The following GRM8 variants were observed in gnomAD, a reference collection of about 807,000 sequenced individuals.
The protein encoded by GRM8 is metabotropic glutamate receptor 8.
In GRM8, 47 loss-of-function variants were observed where a neutral mutation model predicts 87.2. That is an observed-to-expected ratio of 0.54 (90% CI 0.43 to 0.69). The LOEUF is 0.69. Among genes scored for constraint, GRM8 ranks in the 30% least tolerant of loss-of-function variants. The pLI is 0.00. For synonymous variants in GRM8, 396 were observed against 404.5 expected (o/e 0.98, Z 0.25); for missense variants, 1,019 against 1,139.2 (o/e 0.89, Z 1.52).
chr7:127,186,321 T>G (rs1171464439), intron 2 of GRM8, among the ~76,000 whole-genome samples: 1 of 152,180 alleles, frequency 6.6e-6, no homozygotes, highest in Non-Finnish European at 1.5e-5. Flanking sequence ...ATATTATCCA[T>G]TGCCTCTTCA....
At chr7:127,050,957 A>G (rs1819409240) in intron 3 of GRM8, among the ~76,000 whole-genome samples, 1 of 150,748 alleles carries the variant, frequency 6.6e-6, no homozygotes, top group Non-Finnish European at 1.5e-5. Context: ...AATGCTCTCC[A>G]TCTTTCTCTC....
chr7:127,123,468 C>A (rs971595605), intron 2 of GRM8, among the ~76,000 whole-genome samples: 1 of 152,090 alleles, frequency 6.6e-6, no homozygotes, highest in African/African-American at 2.4e-5. Context: ...CTCTGTCTCA[C>A]ATTTCCTCTC....
intron 2 of GRM8, among the ~76,000 whole-genome samples, chr7:127,162,821 C>T (rs1793200798): frequency 6.6e-6 from 1 of 152,180 alleles, no homozygotes; most frequent in Non-Finnish European, 1.5e-5. Context: ...TTATCAATGT[C>T]TGAGGCTAGC....
chr7:126,867,589 CA>C (rs1218383103), intron 6 of GRM8, among the ~76,000 whole-genome samples: 2 of 151,538 alleles, frequency 1.3e-5, no homozygotes, highest in Non-Finnish European at 2.9e-5. Context: ...ATTGCAGTAT[CA>C]AAAAAATGAG....
intron 3 of GRM8, among the ~76,000 whole-genome samples, chr7:126,957,560 G>C (rs1012585378): frequency 2.6e-5 from 4 of 152,198 alleles, no homozygotes; most frequent in Non-Finnish European, 5.9e-5. Flanking sequence ...CCCAGCACCG[G>C]CTCGAGTGCA....
intron 3 of GRM8, among the ~76,000 whole-genome samples, chr7:126,929,445 T>C (rs1273602989): frequency 6.6e-6 from 1 of 152,168 alleles, no homozygotes; most frequent in Non-Finnish European, 1.5e-5. Flanking sequence ...TTTTATTGTA[T>C]TTTTTTGAGA....
chr7:126,993,615 C>T (rs1563391367), intron 3 of GRM8, among the ~76,000 whole-genome samples: 1 of 152,214 alleles, frequency 6.6e-6, no homozygotes, highest in Non-Finnish European at 1.5e-5. Context: ...GAGACCACCC[C>T]TCTCACATTC....
At chr7:126,809,990 G>A (rs1303825215) in intron 6 of GRM8, among the ~76,000 whole-genome samples, 1 of 152,012 alleles carries the variant, frequency 6.6e-6, no homozygotes, top group African/African-American at 2.4e-5. Context: ...TAGCAGAAAA[G>A]GACATAACAT....
chr7:127,050,455 C>T (rs752056780), intron 3 of GRM8, among the ~76,000 whole-genome samples: 1 of 152,150 alleles, frequency 6.6e-6, no homozygotes, highest in Non-Finnish European at 1.5e-5. Context: ...TTCTCCCTAC[C>T]AACCTGAATT....
chr7:126,796,756 C>T (rs140830627), intron 6 of GRM8, among the ~76,000 whole-genome samples: 8 of 152,110 alleles, frequency 5.3e-5, no homozygotes, highest in African/African-American at 1.9e-4. Context: ...AAGCACCCTC[C>T]AAAAAGAAGA....
intron 6 of GRM8, among the ~76,000 whole-genome samples, chr7:126,791,553 T>C (rs1743346782): frequency 6.6e-6 from 1 of 152,206 alleles, no homozygotes; most frequent in African/African-American, 2.4e-5. Flanking sequence ...GCATTCTCTC[T>C]TTCCCTTGCT....
chr7:126,545,060 T>G (rs1816987885), intron 8 of GRM8, among the ~76,000 whole-genome samples: 1 of 152,206 alleles, frequency 6.6e-6, no homozygotes, highest in Non-Finnish European at 1.5e-5. Context: ...ATTTGTTACA[T>G]GAAGTGCCCC....
chr7:127,116,150 C>A (rs1456134982), intron 2 of GRM8, among the ~76,000 whole-genome samples: 6 of 152,164 alleles, frequency 3.9e-5, no homozygotes, highest in African/African-American at 1.4e-4. Flanking sequence ...AATATTCCAA[C>A]TAATTTTATA....
At chr7:126,455,051 CGAT>C (rs1803070459) in intron 9 of GRM8, among the ~76,000 whole-genome samples, 1 of 151,582 alleles carries the variant, frequency 6.6e-6, no homozygotes, top group Non-Finnish European at 1.5e-5. Context: ...TTGATTAAAA[CGAT>C]GAGTTTAGAT....
At chr7:126,614,669 A>G (rs1799264793) in intron 7 of GRM8, among the ~76,000 whole-genome samples, 1 of 152,222 alleles carries the variant, frequency 6.6e-6, no homozygotes, top group Non-Finnish European at 1.5e-5. Flanking sequence ...CAGTGTAGAG[A>G]AGTCCTTAAA....
At chr7:126,886,461 CA>C (rs2131040035) in intron 6 of GRM8, among the ~76,000 whole-genome samples, 1 of 152,076 alleles carries the variant, frequency 6.6e-6, no homozygotes, top group Non-Finnish European at 1.5e-5. Flanking sequence ...CAATAATCAC[CA>C]AAAACACTTG....
chr7:127,182,709 T>C (rs1344898705), intron 2 of GRM8, among the ~76,000 whole-genome samples: 1 of 150,718 alleles, frequency 6.6e-6, no homozygotes, highest in Non-Finnish European at 1.5e-5. Context: ...TGGAATACTA[T>C]GCAGCCATAA....
chr7:126,713,431 C>A (rs1362638790), intron 7 of GRM8, among the ~76,000 whole-genome samples: 1 of 152,048 alleles, frequency 6.6e-6, no homozygotes, highest in African/African-American at 2.4e-5. Context: ...GAACATTACA[C>A]ACCAGGCCTG....
chr7:127,107,824 G>A (rs181898678), intron 2 of GRM8, among the ~76,000 whole-genome samples: 57 of 152,272 alleles, frequency 3.7e-4, no homozygotes, highest in Non-Finnish European at 6.5e-4. Flanking sequence ...CCTAAGTCTA[G>A]AGAGTCCTGT....
Sources: allele counts gnomAD v4.1 joint callset (sites outside exome capture counted in the v4.1 genomes callset), GRCh38; gene constraint gnomAD v4.1.1; transcripts MANE v1.5; gene names NCBI Gene and HGNC (gene_info 2026-07-23, HGNC 2026-07-21).